Variants in SIPA1L3 observed in about 807,000 individuals in gnomAD.
The protein encoded by SIPA1L3 is signal induced proliferation associated 1 like 3.
SIPA1L3 carries 59 observed loss-of-function variants against 150.1 expected under a neutral mutation model. The ratio of observed to expected loss-of-function variants is 0.39; its 90% CI spans 0.32 to 0.49. The LOEUF (loss-of-function observed/expected upper bound fraction) is 0.49. Ranked by LOEUF, SIPA1L3 falls within the 20% of genes least tolerant of loss-of-function variation. The pLI is 0.86. For synonymous variants in SIPA1L3, 1,070 were observed against 1,077.6 expected (o/e 0.99, Z 0.14); for missense variants, 2,211 against 2,489.5 (o/e 0.89, Z 2.38).
intron 19 of SIPA1L3, chr19:38,200,337 G>T (rs1047456956): frequency 6.6e-6 from 1 of 152,190 alleles, no homozygotes; most frequent in African/African-American, 2.4e-5. Context: ...CTGTTCTGAT[G>T]CGGTGTCTTC....
intron 1 of SIPA1L3, among the ~76,000 whole-genome samples, chr19:38,028,695 T>A (rs973025740): frequency 2.7e-5 from 4 of 149,862 alleles, no homozygotes; most frequent in African/African-American, 9.8e-5. Context: ...GTAAATACTT[T>A]TTTTTTTTTT....
chr19:37,919,348 T>G (rs2046439019), intron 1 of SIPA1L3, among the ~76,000 whole-genome samples: 1 of 152,240 alleles, frequency 6.6e-6, no homozygotes, highest in Non-Finnish European at 1.5e-5. Context: ...GCTCTTACTA[T>G]GTAGGAGGCA....
chr19:38,113,309 G>C (rs1191935444), intron 8 of SIPA1L3, among the ~76,000 whole-genome samples: 1 of 151,686 alleles, frequency 6.6e-6, no homozygotes, highest in Non-Finnish European at 1.5e-5. Context: ...ACATGTTTCT[G>C]TCATAGCACA....
At chr19:38,122,270 A>T (rs2145901129) in intron 9 of SIPA1L3, among the ~76,000 whole-genome samples, 1 of 152,272 alleles carries the variant, frequency 6.6e-6, no homozygotes, top group South Asian at 2.1e-4. Flanking sequence ...CCCCTCTCAG[A>T]GGTTTCCTGA....
At position 38,107,400 on chromosome 19, in the gene SIPA1L3, G is replaced by A. The variant is rs564245758; in HGVS notation, c.2133+760G>A. ...GTTGGGGAGGTGCTTTCCTGAACTG[G>A]GTGGGTGTGGCTGCCAGCAGGAGGC... On this transcript the variant is annotated intron_variant, in intron 7 of 21. Coordinates refer to ENST00000222345, the MANE Select transcript of SIPA1L3 (RefSeq NM_015073.3). Among the ~76,000 whole-genome samples the A allele has an allele frequency of 2.0e-5, 3 of 152,284 alleles. No homozygotes were observed. The East Asian group carries it at 5.8e-4, about 29-fold the overall frequency.
rs552018408 is a variant in SIPA1L3 at position 38,164,707 on chromosome 19, C to T, written c.4009C>T (p.Pro1337Ser). Residue 1337 changes from proline (P) to serine (S), a missense_variant, in exon 15 of 22, where the codon CCC becomes TCC. By Grantham distance (74) the Pro-to-Ser change is moderately conservative. This residue lies in a region of SIPA1L3 where 806 missense variants were observed against 870.1 expected (regional missense o/e 0.93). Coordinates refer to ENST00000222345, the MANE Select transcript of SIPA1L3 (RefSeq NM_015073.3). This position sits in a 1 kb window ranked among gnomAD's most constrained non-coding sequence, Gnocchi z 4.1. ...TCCACGGCCCGCCAAGCCACACAAGCCCCCTGGAAGTATGGGCCTTTGTGG... is the reference window on the plus strand; with the variant it reads ...TCCACGGCCCGCCAAGCCACACAAGTCCCCTGGAAGTATGGGCCTTTGTGG... ...KAPRPAKPHK[P>S]PGSMGLCGGG... 6.2e-7 allele frequency: 1 copy of T among 1,614,062 alleles called. No individual in the cohort carries two copies. The highest frequency in any genetic ancestry group is 8.5e-7 in the Non-Finnish European group (1 of 1,180,000).
chr19:38,198,398 C>T lies in SIPA1L3; in HGVS notation c.4850C>T (p.Ser1617Leu). 1 of 1,559,294 alleles carries T rather than the reference C, an allele frequency of 6.4e-7. No individual in the cohort carries two copies. Among genetic ancestry groups the T allele is most frequent in the Non-Finnish European group, 8.7e-7 (1 of 1,155,050 alleles). ...SGFPEKKSTI[S>L]ASELSLADGR... ...CACCCTCCCCATCCAGCCACCATCT[C>T]AGCCTCGGAGCTCTCGCTGGCTGAT... The change falls in exon 19 of 22, where the codon TCA (serine) becomes TTA (leucine). Residue 1617 changes from serine to leucine, a missense_variant. By Grantham distance (145) the Ser-to-Leu change is moderately radical (BLOSUM62 -2). Coordinates refer to ENST00000222345, the MANE Select transcript of SIPA1L3 (RefSeq NM_015073.3).
intron 4 of SIPA1L3, among the ~76,000 whole-genome samples, chr19:38,096,412 G>T (rs1970381051): frequency 6.6e-6 from 1 of 152,034 alleles, no homozygotes; most frequent in Non-Finnish European, 1.5e-5. Flanking sequence ...ATCATGCCTG[G>T]CTAATTTTTC....
chr19:37,955,277 G>A (rs919715364), intron 1 of SIPA1L3, among the ~76,000 whole-genome samples: 1 of 151,642 alleles, frequency 6.6e-6, no homozygotes, highest in East Asian at 1.9e-4. Flanking sequence ...TGTAATCCCC[G>A]CTACTCAGGA....
chr19:37,966,935 G>A (rs969799918), intron 1 of SIPA1L3, among the ~76,000 whole-genome samples: 1 of 152,150 alleles, frequency 6.6e-6, no homozygotes, highest in Admixed American at 6.6e-5. Context: ...GGGGAATTCG[G>A]TGCAGGTGAC....
At chr19:37,947,285 C>T (rs1037126662) in intron 1 of SIPA1L3, among the ~76,000 whole-genome samples, 2 of 151,646 alleles carry the variant, frequency 1.3e-5, no homozygotes, top group Admixed American at 6.6e-5. Context: ...GTCAGGAGAT[C>T]GAGACCATCC....
intron 2 of SIPA1L3, among the ~76,000 whole-genome samples, chr19:38,041,273 A>ATTTTT (rs35807588): frequency 1.4e-5 from 1 of 72,494 alleles, no homozygotes; most frequent in Non-Finnish European, 2.4e-5. Flanking sequence ...CGCTCAGCTA[A>ATTTTT]TTTTTTTTTT....
At chr19:38,059,837 T>G (rs1026594135) in intron 2 of SIPA1L3, among the ~76,000 whole-genome samples, 11 of 151,850 alleles carry the variant, frequency 7.2e-5, no homozygotes, top group Middle Eastern at 3.2e-3. Flanking sequence ...AGTGCAGTAG[T>G]GCAATCTCCG....
At chr19:37,939,140 C>T (rs951732938) in intron 1 of SIPA1L3, among the ~76,000 whole-genome samples, 1 of 152,152 alleles carries the variant, frequency 6.6e-6, no homozygotes, top group Admixed American at 6.5e-5. Flanking sequence ...CAGTCCTCAA[C>T]TTCTGGGCAT....
At chr19:38,130,989 C>T (rs966262398) in intron 10 of SIPA1L3, among the ~76,000 whole-genome samples, 1 of 152,202 alleles carries the variant, frequency 6.6e-6, no homozygotes, top group African/African-American at 2.4e-5. Context: ...CGTGCATGAT[C>T]GCATTTAATC....
At chr19:37,912,940 A>G (rs1568461522) in intron 1 of SIPA1L3, among the ~76,000 whole-genome samples, 2 of 152,214 alleles carry the variant, frequency 1.3e-5, no homozygotes, top group Non-Finnish European at 2.9e-5. Context: ...AGGAGCCAGT[A>G]AAGTGCCCTG....
intron 8 of SIPA1L3, among the ~76,000 whole-genome samples, chr19:38,110,781 C>T (rs1002363021): frequency 6.6e-6 from 1 of 152,058 alleles, no homozygotes; most frequent in African/African-American, 2.4e-5. Context: ...CTGCAAATCC[C>T]CCAAAATGAG....
intron 16 of SIPA1L3, among the ~76,000 whole-genome samples, chr19:38,187,007 C>CAAAA (rs1046528016): frequency 5.0e-5 from 4 of 80,286 alleles, no homozygotes; most frequent in African/African-American, 1.3e-4. Flanking sequence ...AACTCTGTCT[C>CAAAA]AAAAAAAAAA....
At chr19:38,127,462 A>G (rs1971202173) in intron 9 of SIPA1L3, among the ~76,000 whole-genome samples, 1 of 152,164 alleles carries the variant, frequency 6.6e-6, no homozygotes, top group Non-Finnish European at 1.5e-5. Flanking sequence ...TATAAAATCA[A>G]TCACAGAGAT....
Sources: gnomAD v4.1 joint callset for allele counts (sites outside exome capture counted in the v4.1 genomes callset) on GRCh38, gnomAD v4.1.1 for gene constraint, gnomAD v4.1.1 regional missense constraint, Gnocchi (gnomAD v3.1) non-coding constraint, MANE v1.5 for transcripts, NCBI Gene and HGNC (gene_info 2026-07-23, HGNC 2026-07-21) for gene names.